ANKS1B: variants seen among roughly 807,000 people sequenced by gnomAD.
ANKS1B encodes the protein ankyrin repeat and sterile alpha motif domain containing 1B.
A neutral mutation model predicts 148.3 loss-of-function variants in ANKS1B; 36 were observed. The ratio of observed to expected loss-of-function variants is 0.24; its 90% CI spans 0.19 to 0.32. The LOEUF (loss-of-function observed/expected upper bound fraction) is 0.32, where lower values mean the gene tolerates loss of function less well. Ranked by LOEUF, ANKS1B falls within the 10% of genes least tolerant of loss-of-function variation. The pLI is 1.00. For missense variants in ANKS1B, 1,157 were observed against 1,542.6 expected (o/e 0.75, Z 4.19); for synonymous variants, 542 against 560.8 (o/e 0.97, Z 0.47).
intron 17 of ANKS1B, among the ~76,000 whole-genome samples, chr12:98,842,743 G>A (rs1595244129): frequency 6.6e-6 from 1 of 152,272 alleles, no homozygotes; most frequent in East Asian, 1.9e-4. Context: ...ATGGAAGGGT[G>A]AGCAACATAT....
chr12:99,941,974 C>G (rs1224116960), intron 1 of ANKS1B, among the ~76,000 whole-genome samples: 1 of 152,062 alleles, frequency 6.6e-6, no homozygotes, highest in East Asian at 1.9e-4. Flanking sequence ...TGAAAATGTT[C>G]CTGAATTAGT....
intron 12 of ANKS1B, among the ~76,000 whole-genome samples, chr12:99,275,605 A>T (rs533465010): frequency 6.6e-6 from 1 of 152,316 alleles, no homozygotes; most frequent in South Asian, 2.1e-4. Context: ...ATGGACACTT[A>T]GGTTGTTTCC....
At chr12:99,958,115 A>C (rs1303408107) in intron 1 of ANKS1B, among the ~76,000 whole-genome samples, 1 of 152,158 alleles carries the variant, frequency 6.6e-6, no homozygotes, top group African/African-American at 2.4e-5. Flanking sequence ...GCCAGAGTTG[A>C]GTCTGGGAGG....
At chr12:98,926,003 T>G (rs972250828) in intron 17 of ANKS1B, among the ~76,000 whole-genome samples, 3 of 151,812 alleles carry the variant, frequency 2.0e-5, no homozygotes, top group Non-Finnish European at 4.4e-5. Context: ...TTTAGGGGGG[T>G]TTGAAAAGCT....
intron 8 of ANKS1B, among the ~76,000 whole-genome samples, chr12:99,681,528 T>G (rs559761539): frequency 6.6e-6 from 1 of 151,976 alleles, no homozygotes; most frequent in Admixed American, 6.6e-5. Context: ...TTGCAGACAC[T>G]CCCCAGTACC....
intron 9 of ANKS1B, among the ~76,000 whole-genome samples, chr12:99,532,485 C>T (rs970492410): frequency 2.6e-5 from 4 of 152,092 alleles, no homozygotes; most frequent in African/African-American, 4.8e-5. Context: ...CTCAGCCTCC[C>T]GAATAGCTGG....
At chr12:99,688,226 T>C (rs531872747) in intron 8 of ANKS1B, among the ~76,000 whole-genome samples, 31 of 152,314 alleles carry the variant, frequency 2.0e-4, no homozygotes, top group African/African-American at 7.5e-4. Flanking sequence ...TTCCCACCTC[T>C]CCAATACCCT....
intron 10 of ANKS1B, among the ~76,000 whole-genome samples, chr12:99,493,497 T>C (rs986454180): frequency 6.6e-6 from 1 of 152,188 alleles, no homozygotes; most frequent in African/African-American, 2.4e-5. Context: ...AGGACAGTTA[T>C]TGGTGGTGAC....
At chr12:98,850,153 G>GA (rs1410473016) in intron 17 of ANKS1B, among the ~76,000 whole-genome samples, 4 of 151,734 alleles carry the variant, frequency 2.6e-5, no homozygotes, top group Admixed American at 6.6e-5. Flanking sequence ...TTCATTAAAT[G>GA]AAAAAAAATC....
At position 99,868,408 on chromosome 12, in the gene ANKS1B, C is replaced by T. The variant is rs533785710; in HGVS notation, c.135-43019G>A. Among the ~76,000 whole-genome samples, 6 of 152,258 alleles carry T rather than the reference C, an allele frequency of 3.9e-5. 1 individual carries two copies. In the South Asian group the frequency reaches 1.2e-3, roughly 32 times the overall value. On this transcript the variant is annotated intron_variant, in intron 1 of 26. Coordinates refer to ENST00000683438, the MANE Select transcript of ANKS1B (RefSeq NM_001352186.2). ...ATTATGAAATAATAAAAGTTTTCTT[C>T]TTGAAATTGGAAATTACACAAGCAT...
chr12:99,910,213 G>T (rs1392397092), intron 1 of ANKS1B, among the ~76,000 whole-genome samples: 1 of 151,914 alleles, frequency 6.6e-6, no homozygotes, highest in African/African-American at 2.4e-5. Context: ...AAATTAGCTG[G>T]GCATGGTGCC....
chr12:99,173,509 T>G (rs1222175408), intron 14 of ANKS1B, among the ~76,000 whole-genome samples: 1 of 152,116 alleles, frequency 6.6e-6, no homozygotes, highest in Non-Finnish European at 1.5e-5. Context: ...TTTAATTTAT[T>G]TCATATAGAA....
At chr12:98,979,242 T>TA (rs1271720937) in intron 17 of ANKS1B, among the ~76,000 whole-genome samples, 4 of 151,814 alleles carry the variant, frequency 2.6e-5, no homozygotes, top group African/African-American at 9.7e-5. Context: ...CCTGAGTTTT[T>TA]ATGTGGTATC....
At chr12:99,452,508 AT>A (rs1355192172) in intron 10 of ANKS1B, among the ~76,000 whole-genome samples, 1 of 152,228 alleles carries the variant, frequency 6.6e-6, no homozygotes, top group Non-Finnish European at 1.5e-5. Flanking sequence ...ATATATGCTC[AT>A]TAAATAGATA....
At chr12:99,920,560 A>C (rs1483976042) in intron 1 of ANKS1B, among the ~76,000 whole-genome samples, 1 of 152,116 alleles carries the variant, frequency 6.6e-6, no homozygotes, top group African/African-American at 2.4e-5. Context: ...GAGACTGAAA[A>C]GTCCACCAAT....
Position 99,154,346 on chromosome 12 carries a change from C to A in ANKS1B, c.2469G>T (p.Gly823=), listed in dbSNP as rs371158953. 1 of 1,613,740 alleles carries A rather than the reference C, an allele frequency of 6.2e-7. No individual in the cohort carries two copies. ...TCAGGTGGTTCTCGTACTGAGGTAG[C>A]CCAATGCTTTCCAACCATTGTCCCA... The part of the protein sequence containing the change: ...QTVGQWLESI[G]LPQYENHLMA... The change falls in exon 15 of 27, where the codon GGG becomes GGT. Residue 823 remains glycine (G), a synonymous_variant. Transcript: ENST00000683438.
chr12:99,790,203 G>C (rs1243863372), intron 4 of ANKS1B, among the ~76,000 whole-genome samples: 3 of 152,162 alleles, frequency 2.0e-5, no homozygotes, highest in African/African-American at 7.2e-5. Flanking sequence ...TCAGGAGAGA[G>C]TGGCATGACA....
intron 11 of ANKS1B, among the ~76,000 whole-genome samples, chr12:99,428,131 C>T (rs1023498251): frequency 1.3e-5 from 2 of 152,094 alleles, no homozygotes; most frequent in African/African-American, 4.8e-5. Flanking sequence ...AGGAGTCTGG[C>T]ATTGGGTGAG....
intron 14 of ANKS1B, among the ~76,000 whole-genome samples, chr12:99,226,807 G>C (rs1474529415): frequency 2.6e-5 from 4 of 152,106 alleles, no homozygotes; most frequent in Non-Finnish European, 5.9e-5. Flanking sequence ...ACGGTGAGAC[G>C]TAAAAAAACT....
Sources: gnomAD v4.1 joint callset for allele counts (sites outside exome capture counted in the v4.1 genomes callset) on GRCh38, gnomAD v4.1.1 for gene constraint, MANE v1.5 for transcripts, NCBI Gene and HGNC (gene_info 2026-07-23, HGNC 2026-07-21) for gene names.